Variants in IBA57 observed in about 807,000 individuals in gnomAD.
The protein encoded by IBA57 is iron-sulfur cluster assembly factor IBA57, also known as iron-sulfur cluster assembly factor IBA57, mitochondrial.
A neutral mutation model predicts 20.4 loss-of-function variants in IBA57; 20 were observed. The observed-to-expected ratio is 0.98, with a 90% CI of 0.69 to 1.42. IBA57 has a LOEUF of 1.42. Ranked by LOEUF, IBA57 falls within the 40% of genes most tolerant of loss-of-function variation. The pLI, the probability that IBA57 is intolerant of heterozygous loss-of-function variation, is 0.00. For synonymous variants in IBA57, 310 were observed against 233.9 expected (o/e 1.33, Z -2.97); for missense variants, 608 against 499.3 (o/e 1.22, Z -2.07).
At position 228,175,034 on chromosome 1, in the gene IBA57, G is replaced by C. The variant is rs1191262654; in HGVS notation, c.679+5G>C. 6.4e-7 allele frequency: 1 copy of C among 1,557,156 alleles called. No individual in the cohort carries two copies. The highest frequency in any genetic ancestry group is 8.7e-7 in the Non-Finnish European group (1 of 1,148,654). The stretch of plus-strand genomic sequence containing the variant: ...ACCAGCACCGATACCTGCAAGGTAT[G>C]GGTGGGGTGGGCACGCTGGGCTGGA... On this transcript the variant is annotated splice_donor_5th_base_variant and intron_variant, in intron 2 of 2. Coordinates refer to ENST00000366711, the MANE Select transcript of IBA57 (RefSeq NM_001010867.4).
chr1:228,174,628 A>G, intron 1 of IBA57, 64 bp from the exon 2 acceptor site: 2 of 1,419,484 alleles, frequency 1.4e-6, no homozygotes, highest in East Asian at 2.5e-5. Flanking sequence ...GCGCTCCCTC[A>G]TGCAGCCCTT....
chr1:228,175,288 C>A lies in IBA57; in HGVS notation c.846C>A (p.Val282=). ...MGVIRKRLFP[V]RFLDPLPTSG... ...TCATCCGCAAGCGCCTCTTCCCTGT[C>A]CGGTTCTTGGACCCCCTTCCCACCA... is the stretch of plus-strand genomic sequence containing the variant. The change falls in exon 3 of 3, where the codon GTC becomes GTA. Residue 282 remains valine, a synonymous_variant. Coordinates refer to ENST00000366711, the MANE Select transcript of IBA57 (RefSeq NM_001010867.4). The A allele has an allele frequency of 3.1e-6, 5 of 1,612,858 alleles. No homozygotes were observed. The highest frequency in any genetic ancestry group is 4.2e-6 in the Non-Finnish European group (5 of 1,179,982).
At chr1:228,166,481 A>C (rs2124972105) in intron 1 of IBA57, among the ~76,000 whole-genome samples, 1 of 152,274 alleles carries the variant, frequency 6.6e-6, no homozygotes, top group Admixed American at 6.5e-5. Flanking sequence ...CCTGGGGGCC[A>C]GCCCACCATA....
Position 228,175,262 on chromosome 1 carries a change from G to A in IBA57, c.820G>A (p.Val274Ile), listed in dbSNP as rs139992644. 2.5e-5 allele frequency: 40 copies of A among 1,612,818 alleles called. No individual in the cohort carries two copies. In the African/African-American group the frequency reaches 3.7e-4, roughly 15 times the overall value. Residue 274 changes from valine (V) to isoleucine (I), a missense_variant, in exon 3 of 3, where the codon GTC (valine) becomes ATC (isoleucine). By Grantham distance (29) the Val-to-Ile change is conservative. Coordinates refer to ENST00000366711, the MANE Select transcript of IBA57 (RefSeq NM_001010867.4). ...GACGGCCCGCACCCACCACATGGGC[G>A]TCATCCGCAAGCGCCTCTTCCCTGT... is the stretch of plus-strand genomic sequence containing the variant. ...ELTARTHHMG[V>I]IRKRLFPVRF...
rs28410723 is a variant in IBA57 at position 228,177,620 on chromosome 1, G to C, written c.*2107G>C. On this transcript the variant is annotated 3_prime_UTR_variant, in exon 3 of 3. Coordinates refer to ENST00000366711, the MANE Select transcript of IBA57 (RefSeq NM_001010867.4). ...TTTTCCTGCCTCAGCCTCCTGGGTA[G>C]CTGGGACTACAGGCACATGCCCCAT... 1 of 151,254 alleles carries C rather than the reference G, an allele frequency of 6.6e-6. No homozygotes were observed. Among genetic ancestry groups the C allele is most frequent in the South Asian group, 2.1e-4 (1 of 4,776 alleles). 9.4% of individuals were successfully genotyped at this position (151,254 alleles called of 1,614,324 possible). A position where few individuals can be genotyped will look rare whatever the true frequency, so the allele number is the denominator to read the frequency against.
chr1:228,173,885 G>A (rs2034960768), intron 1 of IBA57, among the ~76,000 whole-genome samples: 1 of 152,236 alleles, frequency 6.6e-6, no homozygotes, highest in Non-Finnish European at 1.5e-5. Flanking sequence ...TGTCTGCGCT[G>A]GCCCCTGTGA....
chr1:228,170,694 C>G lies in IBA57; in HGVS notation c.342-3998C>G, dbSNP rs367819023. Reference sequence around the variant, plus strand: ...TGCAGGTAGGATTGTGGTCCAGTGGCCTTGCTGCGAGCTGGCCGGGGCAAG... The same window carrying G: ...TGCAGGTAGGATTGTGGTCCAGTGGGCTTGCTGCGAGCTGGCCGGGGCAAG... On this transcript the variant is annotated intron_variant, in intron 1 of 2. Transcript: ENST00000366711. This position sits in a 1 kb window ranked among gnomAD's most constrained non-coding sequence, Gnocchi z 4.8. Among the ~76,000 whole-genome samples the G allele has an allele frequency of 2.6e-5, 4 of 152,294 alleles. No individual in the cohort carries two copies. The highest frequency in any genetic ancestry group is 9.6e-5 in the African/African-American group (4 of 41,560).
Position 228,174,686 on chromosome 1 carries a change from C to T in IBA57, c.342-6C>T. ...CTGCCATGCGCCCCTGCCTCTCTCC[C>T]TGCAGGCTCCAGGAACACTCGGAGG... On this transcript the variant is annotated splice_polypyrimidine_tract_variant and splice_region_variant and intron_variant, in intron 1 of 2. Coordinates refer to ENST00000366711, the MANE Select transcript of IBA57 (RefSeq NM_001010867.4). 1 of 1,541,146 alleles carries T rather than the reference C, an allele frequency of 6.5e-7. No homozygotes were observed.
At chr1:228,174,127 C>T (rs1054396524) in intron 1 of IBA57, among the ~76,000 whole-genome samples, 2 of 151,046 alleles carry the variant, frequency 1.3e-5, no homozygotes, top group Admixed American at 1.3e-4. Flanking sequence ...GGGCGTGGCT[C>T]GCTGTGGGCG....
chr1:228,173,473 T>C (rs1020131023), intron 1 of IBA57: 4 of 141,252 alleles, frequency 2.8e-5, no homozygotes, highest in Non-Finnish European at 4.6e-5. Context: ...GGGTCATTCT[T>C]GTGGTGCCTG....
chr1:228,174,481 C>T lies in IBA57; in HGVS notation c.342-211C>T, dbSNP rs1006262774. The stretch of plus-strand genomic sequence containing the variant: ...CGTGGCTCGCTGTGGGCGTGGCTCG[C>T]TGTGGGCGTGGCTCGCTGTGGGCGT... On this transcript the variant is annotated intron_variant, in intron 1 of 2. Coordinates refer to ENST00000366711, the MANE Select transcript of IBA57 (RefSeq NM_001010867.4). 7.8e-6 allele frequency: 3 copies of T among 383,284 alleles called. 1 individual carries two copies. Among genetic ancestry groups the T allele is most frequent in the Admixed American group, 9.7e-5 (2 of 20,548 alleles). The allele number at this position is 383,284 out of a possible 1,614,324, so 23.7% of individuals were successfully genotyped here. A position where few individuals can be genotyped will look rare whatever the true frequency, so the allele number is the denominator to read the frequency against.
In IBA57 at chr1:228,175,017, C is replaced by T; in HGVS notation, c.667C>T (p.Arg223Ter). The T allele has an allele frequency of 1.3e-6, 2 of 1,552,518 alleles. No homozygotes were observed. Among genetic ancestry groups the T allele is most frequent in the Non-Finnish European group, 1.7e-6 (2 of 1,146,392 alleles). The change falls in exon 2 of 3, where the codon CGA becomes TGA. Residue 223 changes from arginine (R) to a stop codon, truncating the protein, a stop_gained. Coordinates refer to ENST00000366711, the MANE Select transcript of IBA57 (RefSeq NM_001010867.4). LOFTEE classifies it low-confidence loss of function (END_TRUNC). ...GGACTTGTGGGATTATCACCAGCAC[C>T]GATACCTGCAAGGTATGGGTGGGGT... is the stretch of plus-strand genomic sequence containing the variant. The part of the protein sequence containing the change: ...LGDLWDYHQH[R>*]YLQGVPEGVR...
At chr1:228,171,771 A>T (rs1183829164) in intron 1 of IBA57, 1 of 153,122 alleles carries the variant, frequency 6.5e-6, no homozygotes, top group Non-Finnish European at 1.5e-5. Flanking sequence ...GTGGTCCCTC[A>T]GCTCCACTCT....
In IBA57 at chr1:228,181,117, C is replaced by T. The variant is rs2035105280; in HGVS notation, c.*5604C>T. ...GATTAGGCTGTGAGGGCTCCACTCT[C>T]CAAGGGCGGAGTTAATGTTATGAAA... On this transcript the variant is annotated 3_prime_UTR_variant, in exon 3 of 3. Transcript: ENST00000366711. 6.6e-6 allele frequency: 1 copy of T among 152,130 alleles called. No individual in the cohort carries two copies. The highest frequency in any genetic ancestry group is 1.9e-4 in the East Asian group (1 of 5,194). The allele number at this position is 152,130 out of a possible 1,614,324, so 9.4% of individuals were successfully genotyped here.
At position 228,166,073 on chromosome 1, in the gene IBA57, C is replaced by T; in HGVS notation, c.257C>T (p.Ala86Val). ...NELPLPSPAA[A>V]GAPPAARAGY... ...CTGCCGCTTCCGAGTCCTGCGGCCG[C>T]GGGGGCCCCGCCTGCTGCGCGCGCG... is the stretch of plus-strand genomic sequence containing the variant. Residue 86 changes from alanine to valine, a missense_variant, in exon 1 of 3, where the codon GCG (alanine) becomes GTG (valine). By Grantham distance (64) the Ala-to-Val change is moderately conservative. Coordinates refer to ENST00000366711, the MANE Select transcript of IBA57 (RefSeq NM_001010867.4). 6.5e-7 allele frequency: 1 copy of T among 1,537,082 alleles called. No homozygotes were observed. Among genetic ancestry groups the T allele is most frequent in the Non-Finnish European group, 8.7e-7 (1 of 1,144,974 alleles).
intron 1 of IBA57, among the ~76,000 whole-genome samples, chr1:228,169,527 A>G (rs2034896886): frequency 6.6e-6 from 1 of 152,148 alleles, no homozygotes; most frequent in African/African-American, 2.4e-5. Flanking sequence ...GTCACAACTG[A>G]TGAACCTCTG....
Position 228,180,540 on chromosome 1 carries a change from T to C in IBA57, c.*5027T>C, listed in dbSNP as rs1487149918. The C allele has an allele frequency of 6.6e-6, 1 of 152,152 alleles. No individual in the cohort carries two copies. Among genetic ancestry groups the C allele is most frequent in the African/African-American group, 2.4e-5 (1 of 41,434 alleles). The allele number at this position is 152,152 out of a possible 1,614,324, so 9.4% of individuals were successfully genotyped here. A position where few individuals can be genotyped will look rare whatever the true frequency, so the allele number is the denominator to read the frequency against. Reference sequence around the variant, plus strand: ...TACAAGGCTTATCAGAGTTTTCAGATAATCTCTAAAAGAATGGAAATATAT... The same window carrying C: ...TACAAGGCTTATCAGAGTTTTCAGACAATCTCTAAAAGAATGGAAATATAT... On this transcript the variant is annotated 3_prime_UTR_variant, in exon 3 of 3. Transcript: ENST00000366711.
In IBA57 at chr1:228,179,789, A is replaced by G. The variant is rs1027562031; in HGVS notation, c.*4276A>G. 6.6e-6 allele frequency: 1 copy of G among 152,246 alleles called. No homozygotes were observed. 9.4% of individuals were successfully genotyped at this position (152,246 alleles called of 1,614,324 possible). A position where few individuals can be genotyped will look rare whatever the true frequency, so the allele number is the denominator to read the frequency against. On this transcript the variant is annotated 3_prime_UTR_variant, in exon 3 of 3. Transcript: ENST00000366711. The stretch of plus-strand genomic sequence containing the variant: ...AAGCAACAGTGGAAGCCAGAAAGAT[A>G]GTAAATAATATCTTCAAAGTCCTGG...
rs2034998797 is a variant in IBA57 at position 228,175,370 on chromosome 1, T to C, written c.928T>C (p.Phe310Leu). The C allele has an allele frequency of 6.2e-7, 1 of 1,612,820 alleles. No individual in the cohort carries two copies. Among genetic ancestry groups the C allele is most frequent in the African/African-American group, 1.3e-5 (1 of 74,914 alleles). Residue 310 changes from phenylalanine to leucine, a missense_variant, in exon 3 of 3, where the codon TTC (phenylalanine) becomes CTC (leucine). Physicochemically the swap from Phe to Leu is conservative, Grantham distance 22 (BLOSUM62 0). Coordinates refer to ENST00000366711, the MANE Select transcript of IBA57 (RefSeq NM_001010867.4). The stretch of plus-strand genomic sequence containing the variant: ...TGCCTCAGGACAGACTGTGGGCAAG[T>C]TCAGGGCTGGCCAGGGCAACGTGGG... ...LTASGQTVGK[F>L]RAGQGNVGLA...
Sources: allele counts gnomAD v4.1 joint callset (sites outside exome capture counted in the v4.1 genomes callset), GRCh38; gene constraint gnomAD v4.1.1; non-coding constraint Gnocchi (gnomAD v3.1); transcripts MANE v1.5; gene names NCBI Gene and HGNC (gene_info 2026-07-23, HGNC 2026-07-21).